The following NCALD variants were observed in gnomAD, a reference collection of about 807,000 sequenced individuals.
NCALD encodes the protein neurocalcin delta, also known as neurocalcin-delta.
Under a neutral mutation model 18.6 loss-of-function variants are expected in NCALD, and 10 were observed. The observed-to-expected ratio is 0.54, with a 90% confidence interval of 0.33 to 0.91. The LOEUF (loss-of-function observed/expected upper bound fraction) is 0.91. NCALD is among the 40% of genes least tolerant of loss of function. NCALD has a pLI of 0.03. For missense variants in NCALD, 184 were observed against 247.6 expected (o/e 0.74, Z 1.72); for synonymous variants, 88 against 87.4 (o/e 1.01, Z -0.04).
intron 4 of NCALD, among the ~76,000 whole-genome samples, chr8:101,880,359 C>T (rs1816438009): frequency 6.6e-6 from 1 of 152,192 alleles, no homozygotes; most frequent in African/African-American, 2.4e-5. Flanking sequence ...TCGCCAGGTG[C>T]AGCAGCCCCG....
chr8:102,027,055 G>A (rs1822484392), intron 1 of NCALD, among the ~76,000 whole-genome samples: 1 of 152,220 alleles, frequency 6.6e-6, no homozygotes, highest in African/African-American at 2.4e-5. Context: ...AGGGCAGGGA[G>A]GCCCTGGGCT....
chr8:101,767,690 T>G (rs1177243209), intron 1 of NCALD, among the ~76,000 whole-genome samples: 2 of 152,224 alleles, frequency 1.3e-5, no homozygotes, highest in African/African-American at 4.8e-5. Flanking sequence ...TTGCCCAGGT[T>G]TTACTACAAG....
intron 2 of NCALD, among the ~76,000 whole-genome samples, chr8:101,936,554 G>A (rs1286640006): frequency 6.6e-6 from 1 of 152,166 alleles, no homozygotes; most frequent in Non-Finnish European, 1.5e-5. Context: ...TAGAAGGTAT[G>A]TAGTTATTGG....
rs1015557456 is a variant in NCALD, at chr8:101,959,216, G to C, written c.-156-43358C>G. ...AACTTGGCATTTTTGAAGATTACAG[G>C]CTAGTTATTTTTTTTTAATGGCCCT... On this transcript the variant is annotated intron_variant, in intron 2 of 6. Transcript: ENST00000311028. Among the ~76,000 whole-genome samples, 21 of 152,180 alleles carry C rather than the reference G, an allele frequency of 1.4e-4. No individual in the cohort carries two copies. In the East Asian group the frequency reaches 3.7e-3, roughly 27 times the overall value.
chr8:101,946,016 C>A (rs552487482), intron 2 of NCALD, among the ~76,000 whole-genome samples: 9 of 152,240 alleles, frequency 5.9e-5, no homozygotes, highest in Non-Finnish European at 1.2e-4. Flanking sequence ...ACAAGCATCC[C>A]AGTTAATAAA....
chr8:101,737,568 G>A (rs1809983166), intron 1 of NCALD, among the ~76,000 whole-genome samples: 1 of 152,190 alleles, frequency 6.6e-6, no homozygotes, highest in African/African-American at 2.4e-5. Context: ...GCTTGACCTT[G>A]ACAAGTGTTT....
intron 4 of NCALD, among the ~76,000 whole-genome samples, chr8:101,859,305 G>A (rs561270504): frequency 6.6e-6 from 1 of 152,258 alleles, no homozygotes; most frequent in South Asian, 2.1e-4. Flanking sequence ...ACAGACTGAC[G>A]GTTGCACTGC....
chr8:101,728,252 G>T (rs779440674), intron 1 of NCALD, among the ~76,000 whole-genome samples: 2 of 152,192 alleles, frequency 1.3e-5, no homozygotes, highest in South Asian at 4.1e-4. Context: ...GTGTATTCGT[G>T]GAGGGAAAGA....
chr8:101,716,078 C>T (rs1429823491), intron 2 of NCALD, among the ~76,000 whole-genome samples: 1 of 152,052 alleles, frequency 6.6e-6, no homozygotes, highest in East Asian at 1.9e-4. Flanking sequence ...CAAATGCCCA[C>T]CAATGTTAGA....
At chr8:101,978,855 G>A (rs2131930440) in intron 2 of NCALD, among the ~76,000 whole-genome samples, 1 of 152,278 alleles carries the variant, frequency 6.6e-6, no homozygotes, top group East Asian at 1.9e-4. Context: ...GCTCTCCAAA[G>A]GAAAACAGTG....
chr8:101,892,258 C>T (rs1175581251), intron 3 of NCALD, among the ~76,000 whole-genome samples: 1 of 147,004 alleles, frequency 6.8e-6, no homozygotes. Context: ...GGCACACTGA[C>T]ACCTCACACG....
At chr8:101,952,274 A>G (rs537955254) in intron 2 of NCALD, among the ~76,000 whole-genome samples, 1 of 152,156 alleles carries the variant, frequency 6.6e-6, no homozygotes, top group Non-Finnish European at 1.5e-5. Context: ...GACCACTCAC[A>G]TCTTCTTCCT....
intron 2 of NCALD, among the ~76,000 whole-genome samples, chr8:101,927,788 G>A (rs576116475): frequency 2.0e-5 from 3 of 152,146 alleles, no homozygotes; most frequent in Admixed American, 6.5e-5. Flanking sequence ...GCTTTGGTGG[G>A]GCATCCAATC....
intron 4 of NCALD, among the ~76,000 whole-genome samples, chr8:101,862,723 C>T (rs1815594735): frequency 6.6e-6 from 1 of 152,174 alleles, no homozygotes; most frequent in Non-Finnish European, 1.5e-5. Flanking sequence ...AATAGAAAAT[C>T]CCTCCTTCAT....
At chr8:102,099,720 G>T (rs1328826181) in intron 1 of NCALD, among the ~76,000 whole-genome samples, 4 of 152,034 alleles carry the variant, frequency 2.6e-5, no homozygotes, top group African/African-American at 9.7e-5. Context: ...AAGGTGGGTG[G>T]ATTGCCTGAG....
At chr8:101,878,313 C>G (rs1354671697) in intron 4 of NCALD, among the ~76,000 whole-genome samples, 1 of 152,222 alleles carries the variant, frequency 6.6e-6, no homozygotes, top group Non-Finnish European at 1.5e-5. Context: ...AAATGTTACT[C>G]TGTCCCATAG....
At chr8:101,880,504 G>A (rs879529161) in intron 4 of NCALD, among the ~76,000 whole-genome samples, 5 of 152,240 alleles carry the variant, frequency 3.3e-5, no homozygotes, top group Non-Finnish European at 4.4e-5. Context: ...CAGAGCGGAG[G>A]CCGAGGCCAA....
In NCALD at chr8:101,763,975, CA is replaced by C. The variant is rs1563744281; in HGVS notation, c.-20+26886del. Among the ~76,000 whole-genome samples, 168 of 27,886 alleles carry C rather than the reference CA, an allele frequency of 6.0e-3. 4 individuals carry two copies. The South Asian group carries it at 0.11, about 18-fold the overall frequency. The allele number at this position is 27,886 out of a possible 152,430, so 18.3% of individuals were successfully genotyped here. On this transcript the variant is annotated intron_variant, in intron 1 of 3. Transcript: ENST00000220931. ...ATTTCTCTCTCTCTCTCCACACACA[CA>C]CACACACACACACACACACACACAC...
chr8:101,847,643 T>C (rs545358098), intron 4 of NCALD, among the ~76,000 whole-genome samples: 3 of 152,336 alleles, frequency 2.0e-5, no homozygotes, highest in Admixed American at 6.5e-5. Context: ...ACACCTACCA[T>C]GTTAAAAACC....
Sources: allele counts gnomAD v4.1 joint callset (sites outside exome capture counted in the v4.1 genomes callset), GRCh38; gene constraint gnomAD v4.1.1; transcripts MANE v1.5; gene names NCBI Gene and HGNC (gene_info 2026-07-23, HGNC 2026-07-21).